Variants in TENM3 observed in about 807,000 individuals in gnomAD.
TENM3 encodes the protein teneurin transmembrane protein 3.
In TENM3, 63 loss-of-function variants were observed where a neutral mutation model predicts 255.1. That is an observed-to-expected ratio of 0.25 (90% CI 0.20 to 0.30). The LOEUF (loss-of-function observed/expected upper bound fraction) is 0.30. Among genes scored for constraint, TENM3 ranks in the 10% least tolerant of loss-of-function variants. The pLI is 1.00. For missense variants in TENM3, 2,929 were observed against 3,461.1 expected, an observed-to-expected ratio of 0.85 and a Z score of 3.86; for synonymous variants, 1,306 against 1,322.3, an observed-to-expected ratio of 0.99 and a Z score of 0.27.
At chr4:182,100,483 AT>A in the TENM3 span, among the ~76,000 whole-genome samples, 1 of 126,146 alleles carries the variant, frequency 7.9e-6, no homozygotes, top group Non-Finnish European at 1.7e-5. Context: ...ACACACACAC[AT>A]ATATATATAT....
At chr4:182,510,288 AC>A (rs1737257526) in intron 3 of TENM3, among the ~76,000 whole-genome samples, 1 of 152,034 alleles carries the variant, frequency 6.6e-6, no homozygotes, top group African/African-American at 2.4e-5. Context: ...CATCAGTACT[AC>A]CTGTTTTCTT....
the TENM3 span, among the ~76,000 whole-genome samples, chr4:181,865,542 G>A: frequency 4.4e-4 from 67 of 152,268 alleles, 1 homozygote; most frequent in South Asian, 1.9e-3. Flanking sequence ...TGACAGTACC[G>A]TCACCCGCAT....
chr4:181,923,522 C>A, the TENM3 span, among the ~76,000 whole-genome samples: 3 of 152,244 alleles, frequency 2.0e-5, no homozygotes, highest in African/African-American at 4.8e-5. Flanking sequence ...GCTTCAAATG[C>A]TCTGCATTTT....
chr4:182,653,960 C>A, intron 6 of TENM3, 67 bp downstream of exon 6: 1 of 1,463,714 alleles, frequency 6.8e-7, no homozygotes, highest in Non-Finnish European at 9.2e-7. Flanking sequence ...TTTATTTTTA[C>A]CCATGCTTAC....
At chr4:182,351,533 C>T (rs537408706) in intron 3 of TENM3, among the ~76,000 whole-genome samples, 4 of 152,262 alleles carry the variant, frequency 2.6e-5, no homozygotes, top group East Asian at 1.9e-4. Context: ...AGCTGCCTGC[C>T]GAGTTCTGGA....
chr4:182,315,474 C>G lies in TENM3; in HGVS notation c.-75-8472C>G, dbSNP rs148979395. ...CTTACATTATTTCCTGTGAGAAGCT[C>G]TGTATGTGATGATGCCTTTTTCCTG... is the stretch of plus-strand genomic sequence containing the variant. On this transcript the variant is annotated intron_variant, in intron 1 of 27. Transcript: ENST00000511685. 6.4e-4 allele frequency among the ~76,000 whole-genome samples: 97 copies of G among 151,766 alleles called. 2 individuals carry two copies. The highest frequency in any genetic ancestry group is 2.2e-3 in the African/African-American group (93 of 41,410).
the TENM3 span, among the ~76,000 whole-genome samples, chr4:181,748,904 T>G: frequency 6.6e-6 from 1 of 151,998 alleles, no homozygotes; most frequent in Non-Finnish European, 1.5e-5. Context: ...TATTATAGAA[T>G]AATTCTAAAA....
the TENM3 span, among the ~76,000 whole-genome samples, chr4:181,817,183 A>C: frequency 6.6e-6 from 1 of 152,292 alleles, no homozygotes; most frequent in South Asian, 2.1e-4. Flanking sequence ...GATTACTTTA[A>C]ATTGAATATT....
At chr4:181,475,986 G>C in the TENM3 span, among the ~76,000 whole-genome samples, 1 of 152,192 alleles carries the variant, frequency 6.6e-6, no homozygotes, top group Non-Finnish European at 1.5e-5. Context: ...CGGCTCCAGC[G>C]GGGAAGTCAG....
At chr4:181,788,550 G>A in the TENM3 span, among the ~76,000 whole-genome samples, 2 of 152,080 alleles carry the variant, frequency 1.3e-5, no homozygotes, top group Non-Finnish European at 2.9e-5. Context: ...GTAGCCCACC[G>A]CTGTGCTTTC....
chr4:182,105,812 C>A, the TENM3 span, among the ~76,000 whole-genome samples: 1 of 152,150 alleles, frequency 6.6e-6, no homozygotes, highest in Non-Finnish European at 1.5e-5. Context: ...AAGCTCCCAT[C>A]CTTGACTTGG....
intron 3 of TENM3, among the ~76,000 whole-genome samples, chr4:182,385,154 G>A (rs779909099): frequency 6.6e-6 from 1 of 151,372 alleles, no homozygotes; most frequent in African/African-American, 2.4e-5. Context: ...ATTAAACTCC[G>A]AATTCATCCA....
chr4:181,527,286 T>C, the TENM3 span, among the ~76,000 whole-genome samples: 1 of 152,236 alleles, frequency 6.6e-6, no homozygotes, highest in South Asian at 2.1e-4. Context: ...TAAAGCATTT[T>C]GTTTTACCTA....
intron 3 of TENM3, among the ~76,000 whole-genome samples, chr4:182,498,192 A>G (rs1205428626): frequency 6.6e-6 from 1 of 152,158 alleles, no homozygotes; most frequent in East Asian, 1.9e-4. Flanking sequence ...TGGGACCAAA[A>G]TATATCTAAG....
chr4:182,442,847 TACACACACACACACAC>T (rs10586825), intron 3 of TENM3, among the ~76,000 whole-genome samples: 1 of 147,794 alleles, frequency 6.8e-6, no homozygotes, highest in African/African-American at 2.5e-5. Context: ...CATACATATA[TACACACACACACACAC>T]ACACACACAC....
At chr4:181,459,753 A>G in the TENM3 span, among the ~76,000 whole-genome samples, 6 of 151,864 alleles carry the variant, frequency 4.0e-5, no homozygotes, top group Admixed American at 1.3e-4. Context: ...GGTACCACAG[A>G]TACTCCCACT....
chr4:181,532,769 A>G, the TENM3 span, among the ~76,000 whole-genome samples: 5 of 152,128 alleles, frequency 3.3e-5, no homozygotes, highest in African/African-American at 1.2e-4. Context: ...GAATGACCAT[A>G]AATGGCTATA....
At chr4:182,063,737 G>A in the TENM3 span, among the ~76,000 whole-genome samples, 3 of 152,322 alleles carry the variant, frequency 2.0e-5, no homozygotes, top group South Asian at 6.2e-4. Context: ...GTTAGACATG[G>A]TTTCTGCCCT....
chr4:182,719,076 C>A (rs548693145), intron 13 of TENM3, among the ~76,000 whole-genome samples: 2 of 152,188 alleles, frequency 1.3e-5, no homozygotes, highest in African/African-American at 4.8e-5. Flanking sequence ...GCCAGCTCCC[C>A]CGTGGGCACC....
Sources: gnomAD v4.1 joint callset for allele counts (sites outside exome capture counted in the v4.1 genomes callset) on GRCh38, gnomAD v4.1.1 for gene constraint, MANE v1.5 for transcripts, NCBI Gene and HGNC (gene_info 2026-07-23, HGNC 2026-07-21) for gene names.